The following TFR2 variants were observed in gnomAD, a reference collection of about 807,000 sequenced individuals.
TFR2 encodes transferrin receptor protein 2.
TFR2 carries 64 observed loss-of-function variants against 91.9 expected under a neutral mutation model. The ratio of observed to expected loss-of-function variants is 0.70; its 90% CI spans 0.57 to 0.86. The LOEUF (loss-of-function observed/expected upper bound fraction) is 0.86. TFR2 is among the 40% of genes least tolerant of loss of function. The probability of loss-of-function intolerance (pLI) is 0.00; values close to 1 mark genes in which losing one functional copy is unlikely to be tolerated. For synonymous variants in TFR2, 454 were observed against 459.6 expected, an observed-to-expected ratio of 0.99 and a Z score of 0.15; for missense variants, 950 against 1,080.5, an observed-to-expected ratio of 0.88 and a Z score of 1.69.
At chr7:100,622,365 C>T (rs1478858601) in intron 17 of TFR2, among the ~76,000 whole-genome samples, 1 of 152,114 alleles carries the variant, frequency 6.6e-6, no homozygotes, top group Admixed American at 6.5e-5. Flanking sequence ...TTTGGGAGCA[C>T]CTGGACATAT....
At chr7:100,626,511 C>T (rs1251519722) in intron 17 of TFR2, 1 of 1,353,788 alleles carries the variant, frequency 7.4e-7, no homozygotes, top group Middle Eastern at 2.8e-4. Context: ...CCAGTTCTGC[C>T]AGGCGTAAAC....
chr7:100,635,457 A>ATT, intron 3 of TFR2, among the ~76,000 whole-genome samples: 1 of 148,130 alleles, frequency 6.8e-6, no homozygotes. Context: ...TATTATTATT[A>ATT]TTTTTGACAT....
intron 17 of TFR2, among the ~76,000 whole-genome samples, chr7:100,624,336 C>A (rs1452449146): frequency 6.6e-6 from 1 of 152,158 alleles, no homozygotes; most frequent in Non-Finnish European, 1.5e-5. Flanking sequence ...TCTGGTCTCT[C>A]CACCCTGAAA....
intron 17 of TFR2, among the ~76,000 whole-genome samples, chr7:100,624,952 T>C (rs1226534429): frequency 6.6e-6 from 1 of 151,854 alleles, no homozygotes; most frequent in East Asian, 1.9e-4. Flanking sequence ...TCTAGAGCCA[T>C]AAAATTCACT....
rs1584461514 is a variant in TFR2 at position 100,634,329 on chromosome 7, CAG to C, written c.474-775_474-774del. Among the ~76,000 whole-genome samples, 3 of 152,290 alleles carry C rather than the reference CAG, an allele frequency of 2.0e-5. No homozygotes were observed. In the South Asian group the frequency reaches 6.2e-4, roughly 32 times the overall value. On this transcript the variant is annotated intron_variant, in intron 3 of 17. Coordinates refer to ENST00000223051, the MANE Select transcript of TFR2 (RefSeq NM_003227.4). Reference sequence around the variant, plus strand: ...TGGAGACACTTTACACCAAGGTACTCAGGGGAATCACCGGTTCCTGGGCTCAA... The same window carrying C: ...TGGAGACACTTTACACCAAGGTACTCGGGAATCACCGGTTCCTGGGCTCAA...
At position 100,629,281 on chromosome 7, in the gene TFR2, C is replaced by T. The variant is rs2131314908; in HGVS notation, c.1362G>A (p.Val454=). 1.2e-6 allele frequency: 2 copies of T among 1,614,076 alleles called. No homozygotes were observed. Among genetic ancestry groups the T allele is most frequent in the South Asian group, 1.1e-5 (1 of 91,090 alleles). The change falls in exon 10 of 18, where the codon GTG becomes GTA. Residue 454 remains valine, a synonymous_variant. Coordinates refer to ENST00000223051, the MANE Select transcript of TFR2 (RefSeq NM_003227.4). The part of the protein sequence containing the change: ...AVGTAILLEL[V]RTFSSMVSNG... ...TGCTCACCATGGAGGAAAAGGTCCGCACCAGCTCCAGGAGTATAGCCGTCC... is the reference window on the plus strand; with the variant it reads ...TGCTCACCATGGAGGAAAAGGTCCGTACCAGCTCCAGGAGTATAGCCGTCC...
At chr7:100,630,399 C>G (rs1803401065) in intron 9 of TFR2, among the ~76,000 whole-genome samples, 2 of 152,164 alleles carry the variant, frequency 1.3e-5, no homozygotes, top group Non-Finnish European at 2.9e-5. Flanking sequence ...AAGTGATTCT[C>G]CTGTCCGAGC....
chr7:100,629,257 G>A lies in TFR2; in HGVS notation c.1386C>T (p.Ser462=). The change falls in exon 10 of 18, where the codon AGC becomes AGT. Residue 462 remains serine (S), a synonymous_variant. Coordinates refer to ENST00000223051, the MANE Select transcript of TFR2 (RefSeq NM_003227.4). ...AGGCCCTGGCCCTGACCTTACCGTT[G>A]CTCACCATGGAGGAAAAGGTCCGCA... The part of the protein sequence containing the change: ...ELVRTFSSMV[S]NGFRPRRSLL... The A allele has an allele frequency of 6.2e-7, 1 of 1,613,722 alleles. No individual in the cohort carries two copies. The highest frequency in any genetic ancestry group is 8.5e-7 in the Non-Finnish European group (1 of 1,179,734).
chr7:100,631,915 G>T lies in TFR2; in HGVS notation c.997C>A (p.Pro333Thr). ...GTTTGATTGAAGGAAGGGAAGCCAG[G>T]TGTGTAGGGGTCTCCAGTTCCCAGG... The part of the protein sequence containing the change: ...VHLGTGDPYT[P>T]GFPSFNQTQF... The change falls in exon 8 of 18, where the codon CCT becomes ACT. Residue 333 changes from proline to threonine, a missense_variant. Physicochemically the swap from Pro to Thr is conservative, Grantham distance 38. Transcript: ENST00000223051. 4.3e-6 allele frequency: 7 copies of T among 1,614,038 alleles called. No homozygotes were observed. Among genetic ancestry groups the T allele is most frequent in the Non-Finnish European group, 5.9e-6 (7 of 1,179,964 alleles).
At chr7:100,624,220 G>T (rs1803192824) in intron 17 of TFR2, among the ~76,000 whole-genome samples, 1 of 152,172 alleles carries the variant, frequency 6.6e-6, no homozygotes, top group East Asian at 1.9e-4. Context: ...CACCACATTT[G>T]GTGGTCCCCT....
intron 10 of TFR2, among the ~76,000 whole-genome samples, chr7:100,628,620 T>A (rs1456971029): frequency 6.6e-6 from 1 of 152,166 alleles, no homozygotes; most frequent in Non-Finnish European, 1.5e-5. Context: ...CAGGCTGGTT[T>A]TGAATTCCTG....
rs1370323963 is a variant in TFR2, at chr7:100,627,959, T to A, written c.1553A>T (p.His518Leu). Residue 518 changes from histidine (H) to leucine (L), a missense_variant, in exon 13 of 18, where the codon CAT (histidine) becomes CTT (leucine). By Grantham distance (99) the His-to-Leu change is moderately conservative. Coordinates refer to ENST00000223051, the MANE Select transcript of TFR2 (RefSeq NM_003227.4). ...TGTCAGAAGGGGGCTGGTCTTGGCA[T>A]GAAACTTGTCATCCCCTGGAAAAAG... ...DNAVLGDDKF[H>L]AKTSPLLTSL... 5.0e-6 allele frequency: 8 copies of A among 1,613,864 alleles called. No homozygotes were observed. The highest frequency in any genetic ancestry group is 1.3e-5 in the African/African-American group (1 of 74,888).
intron 17 of TFR2, 56 bp from the exon 18 acceptor site, chr7:100,621,182 C>T: frequency 1.4e-6 from 2 of 1,433,596 alleles, no homozygotes; most frequent in Non-Finnish European, 1.8e-6. Context: ...GGAGCAAAGG[C>T]CCGAGTCACC....
chr7:100,636,802 T>A (rs754222944), intron 3 of TFR2, among the ~76,000 whole-genome samples: 69 of 151,982 alleles, frequency 4.5e-4, no homozygotes, highest in Admixed American at 1.7e-3. Flanking sequence ...TTCACTCTTG[T>A]TGCCCAGGCT....
chr7:100,620,824 CTG>C lies in TFR2; in HGVS notation c.*31_*32del. Reference sequence around the variant, plus strand: ...AAGCGAGGAGCAGAGGAGCTCTTGACTGGGGGACGGGGATGTGAGGATCCCCA... The same window carrying C: ...AAGCGAGGAGCAGAGGAGCTCTTGACGGGGACGGGGATGTGAGGATCCCCA... On this transcript the variant is annotated 3_prime_UTR_variant, in exon 18 of 18. Transcript: ENST00000223051. 1 of 1,613,348 alleles carries C rather than the reference CTG, an allele frequency of 6.2e-7. No individual in the cohort carries two copies. The highest frequency in any genetic ancestry group is 1.3e-5 in the African/African-American group (1 of 75,052).
chr7:100,634,761 T>G (rs1803542264), intron 3 of TFR2, among the ~76,000 whole-genome samples: 1 of 152,186 alleles, frequency 6.6e-6, no homozygotes, highest in Admixed American at 6.6e-5. Flanking sequence ...TTTCAGACCC[T>G]TCGCAAATGG....
intron 3 of TFR2, 60 bp downstream of exon 3, chr7:100,640,626 C>A (rs1803677174): frequency 1.3e-6 from 2 of 1,583,266 alleles, no homozygotes; most frequent in Non-Finnish European, 8.6e-7. Flanking sequence ...CAGGGAGGCC[C>A]AGTCTGAGCG....
chr7:100,620,702 G>C lies in TFR2; in HGVS notation c.*155C>G, dbSNP rs192599748. The C allele has an allele frequency of 3.0e-6, 3 of 1,013,972 alleles. No homozygotes were observed. The highest frequency in any genetic ancestry group is 2.3e-5 in the Admixed American group (1 of 43,238). 62.8% of individuals were successfully genotyped at this position (1,013,972 alleles called of 1,614,324 possible). Reference sequence around the variant, plus strand: ...GCTGGGGTGTGTGGATATCTGTGCTGGGGTCTGGGCTCCGTGGAGAGATGT... The same window carrying C: ...GCTGGGGTGTGTGGATATCTGTGCTCGGGTCTGGGCTCCGTGGAGAGATGT... On this transcript the variant is annotated 3_prime_UTR_variant, in exon 18 of 18. Coordinates refer to ENST00000223051, the MANE Select transcript of TFR2 (RefSeq NM_003227.4).
In TFR2 at chr7:100,621,012, G is replaced by T. The variant is rs1253794035; in HGVS notation, c.2251C>A (p.Leu751Met). ...LGALLDHLRLLRSNSSGTPGA... is the reference protein window; with the variant it reads ...LGALLDHLRLMRSNSSGTPGA... Reference sequence around the variant, plus strand: ...GGGGTCCCGGAGCTGTTGGAGCGCAGCAGCCGCAGGTGGTCCAGCAGGGCG... The same window carrying T: ...GGGGTCCCGGAGCTGTTGGAGCGCATCAGCCGCAGGTGGTCCAGCAGGGCG... Residue 751 changes from leucine (L) to methionine (M), a missense_variant, in exon 18 of 18, where the codon CTG becomes ATG. Transcript: ENST00000223051. The T allele has an allele frequency of 7.5e-6, 12 of 1,603,292 alleles. No individual in the cohort carries two copies. Among genetic ancestry groups the T allele is most frequent in the African/African-American group, 1.3e-5 (1 of 74,808 alleles).
Sources: allele counts gnomAD v4.1 joint callset (sites outside exome capture counted in the v4.1 genomes callset), GRCh38; gene constraint gnomAD v4.1.1; transcripts MANE v1.5; gene names NCBI Gene and HGNC (gene_info 2026-07-23, HGNC 2026-07-21).